Variants in CDH18 observed in about 807,000 individuals in gnomAD.
The protein encoded by CDH18 is cadherin 18, also known as cadherin-18.
CDH18 carries 31 observed loss-of-function variants against 67.9 expected under a neutral mutation model. The ratio of observed to expected loss-of-function variants is 0.46; its 90% CI spans 0.34 to 0.62. The LOEUF (loss-of-function observed/expected upper bound fraction) is 0.62. Ranked by LOEUF, CDH18 falls within the 20% of genes least tolerant of loss-of-function variation. The pLI is 0.01. For synonymous variants in CDH18, 362 were observed against 347.2 expected (o/e 1.04, Z -0.48); for missense variants, 890 against 975.5 (o/e 0.91, Z 1.17).
intron 1 of CDH18, among the ~76,000 whole-genome samples, chr5:20,529,159 T>C (rs1756248464): frequency 6.6e-6 from 1 of 151,818 alleles, no homozygotes; most frequent in African/African-American, 2.4e-5. Flanking sequence ...ATGGATAAAT[T>C]CCTGGACACA....
At chr5:19,738,561 A>G (rs1768665298) in intron 4 of CDH18, among the ~76,000 whole-genome samples, 1 of 152,224 alleles carries the variant, frequency 6.6e-6, no homozygotes, top group African/African-American at 2.4e-5. Context: ...TTAAAACATG[A>G]TGTACCAATT....
intron 1 of CDH18, among the ~76,000 whole-genome samples, chr5:20,404,011 C>A (rs1158810480): frequency 6.6e-6 from 1 of 152,228 alleles, no homozygotes; most frequent in African/African-American, 2.4e-5. Context: ...TACATCAGCA[C>A]TTGCTGCTTC....
At chr5:20,517,690 A>G (rs887244281) in intron 1 of CDH18, among the ~76,000 whole-genome samples, 1 of 152,082 alleles carries the variant, frequency 6.6e-6, no homozygotes, top group Non-Finnish European at 1.5e-5. Context: ...TACATATACC[A>G]GAATTCAAAT....
At chr5:19,966,176 T>C (rs115700734) in intron 2 of CDH18, among the ~76,000 whole-genome samples, 1,844 of 152,230 alleles carry the variant, frequency 0.012, 54 homozygotes, top group African/African-American at 0.042. Flanking sequence ...GGTATATCAG[T>C]GGAGGTTATT....
intron 2 of CDH18, among the ~76,000 whole-genome samples, chr5:19,897,230 A>C (rs1326434198): frequency 6.6e-6 from 1 of 152,198 alleles, no homozygotes; most frequent in Admixed American, 6.5e-5. Context: ...AAAACAATTA[A>C]AAAGCCACAG....
intron 1 of CDH18, among the ~76,000 whole-genome samples, chr5:20,434,503 A>T (rs1749016540): frequency 6.6e-6 from 1 of 152,076 alleles, no homozygotes; most frequent in South Asian, 2.1e-4. Flanking sequence ...TATCTTGGTA[A>T]CTGGAAGGAT....
intron 1 of CDH18, among the ~76,000 whole-genome samples, chr5:20,262,098 A>ATAC (rs1744701530): frequency 6.6e-6 from 1 of 152,218 alleles, no homozygotes; most frequent in Non-Finnish European, 1.5e-5. Flanking sequence ...TAAATAAATA[A>ATAC]TACTTTGTTC....
At chr5:19,669,171 T>G (rs999780411) in intron 5 of CDH18, among the ~76,000 whole-genome samples, 3 of 146,474 alleles carry the variant, frequency 2.0e-5, no homozygotes, top group Non-Finnish European at 4.5e-5. Flanking sequence ...ATCATATATA[T>G]CATAATAATA....
chr5:20,285,753 A>T (rs961873477), intron 1 of CDH18, among the ~76,000 whole-genome samples: 2 of 151,626 alleles, frequency 1.3e-5, no homozygotes, highest in African/African-American at 2.4e-5. Context: ...TAGAAAAATC[A>T]TTTAAATTTA....
chr5:20,486,963 C>T (rs553528157), intron 1 of CDH18, among the ~76,000 whole-genome samples: 3 of 152,090 alleles, frequency 2.0e-5, no homozygotes, highest in East Asian at 3.9e-4. Context: ...TGCTGCCTTC[C>T]GGCAGTGGTT....
chr5:19,704,425 T>C (rs1173155016), intron 5 of CDH18, among the ~76,000 whole-genome samples: 2 of 152,126 alleles, frequency 1.3e-5, no homozygotes, highest in Non-Finnish European at 2.9e-5. Flanking sequence ...GGGGAAAAGA[T>C]TTATTACAAC....
intron 2 of CDH18, among the ~76,000 whole-genome samples, chr5:20,229,020 G>A (rs201217676): frequency 6.6e-6 from 1 of 152,056 alleles, no homozygotes; most frequent in Non-Finnish European, 1.5e-5. Flanking sequence ...CTGATACATA[G>A]TCTAATTGAT....
At chr5:19,926,389 A>G (rs1383386232) in intron 2 of CDH18, among the ~76,000 whole-genome samples, 13 of 152,200 alleles carry the variant, frequency 8.5e-5, no homozygotes. Context: ...ACTTTTGTAC[A>G]GACCTCAGGG....
chr5:19,703,452 G>T (rs1299748269), intron 5 of CDH18, among the ~76,000 whole-genome samples: 1 of 152,154 alleles, frequency 6.6e-6, no homozygotes, highest in Non-Finnish European at 1.5e-5. Context: ...GAGCAGGTTT[G>T]TTTGCCAGCT....
At position 19,794,601 on chromosome 5, in the gene CDH18, T is replaced by C. The variant is rs116430216; in HGVS notation, c.228+44158A>G. Among the ~76,000 whole-genome samples the C allele has an allele frequency of 4.0e-3, 611 of 152,236 alleles. 1 individual carries two copies. The highest frequency in any genetic ancestry group is 0.014 in the African/African-American group (590 of 41,564). ...TTTCTCTCTCTCCCCTAATATTCTA[T>C]AGGTTCTGTTTTTCTGTAGAACCCT... On this transcript the variant is annotated intron_variant, in intron 3 of 12. Transcript: ENST00000382275.
chr5:20,194,811 C>G (rs1738840472), intron 2 of CDH18, among the ~76,000 whole-genome samples: 1 of 151,926 alleles, frequency 6.6e-6, no homozygotes, highest in Non-Finnish European at 1.5e-5. Context: ...TTACCCTTAC[C>G]TGTATTTCTT....
chr5:19,573,529 A>G (rs1156425112), intron 7 of CDH18, among the ~76,000 whole-genome samples: 1 of 151,950 alleles, frequency 6.6e-6, no homozygotes, highest in African/African-American at 2.4e-5. Context: ...CCACCCACCT[A>G]GGCCTCCCAA....
intron 3 of CDH18, among the ~76,000 whole-genome samples, chr5:19,768,770 GA>G (rs1266655961): frequency 6.6e-6 from 1 of 152,048 alleles, no homozygotes; most frequent in Non-Finnish European, 1.5e-5. Context: ...ACACCATAGA[GA>G]GGGGAGAACC....
At chr5:20,295,177 A>C (rs1747389197) in intron 1 of CDH18, among the ~76,000 whole-genome samples, 1 of 152,196 alleles carries the variant, frequency 6.6e-6, no homozygotes, top group South Asian at 2.1e-4. Flanking sequence ...TTAGAACATC[A>C]GGAATAGCAT....
Sources: allele counts gnomAD v4.1 joint callset (sites outside exome capture counted in the v4.1 genomes callset), GRCh38; gene constraint gnomAD v4.1.1; transcripts MANE v1.5; gene names NCBI Gene and HGNC (gene_info 2026-07-23, HGNC 2026-07-21).